SSH1: variants seen among roughly 807,000 people sequenced by gnomAD.
SSH1 encodes the protein protein phosphatase Slingshot homolog 1.
A neutral mutation model predicts 79.7 loss-of-function variants in SSH1; 43 were observed. The observed-to-expected ratio is 0.54, with a 90% CI of 0.42 to 0.70. The LOEUF (loss-of-function observed/expected upper bound fraction) is 0.70, where lower values mean the gene tolerates loss of function less well. SSH1 is among the 30% of genes least tolerant of loss of function. The pLI is 0.00. For missense variants in SSH1, 1,206 were observed against 1,358.8 expected (o/e 0.89, Z 1.77); for synonymous variants, 599 against 538.3 (o/e 1.11, Z -1.56).
At chr12:108,790,731 TTAA>T (rs368838720) in intron 14 of SSH1, among the ~76,000 whole-genome samples, 1 of 152,172 alleles carries the variant, frequency 6.6e-6, no homozygotes, top group African/African-American at 2.4e-5. Flanking sequence ...TAACATGCTG[TTAA>T]TAATAATAAA....
At chr12:108,831,798 G>A (rs1397790103) in intron 2 of SSH1, among the ~76,000 whole-genome samples, 1 of 152,148 alleles carries the variant, frequency 6.6e-6, no homozygotes, top group Non-Finnish European at 1.5e-5. Flanking sequence ...TTTACAAATT[G>A]TGCTTTATAT....
chr12:108,824,391 T>C (rs2038235907), intron 2 of SSH1, among the ~76,000 whole-genome samples: 1 of 150,358 alleles, frequency 6.7e-6, no homozygotes, highest in Admixed American at 6.6e-5. Flanking sequence ...GAGGTTGGAG[T>C]GAGCCAAGAT....
chr12:108,848,028 G>A (rs1274278977), intron 2 of SSH1, among the ~76,000 whole-genome samples: 2 of 152,180 alleles, frequency 1.3e-5, no homozygotes, highest in African/African-American at 4.8e-5. Flanking sequence ...GGGGGAGCAG[G>A]GAGTAGTCCC....
intron 2 of SSH1, among the ~76,000 whole-genome samples, chr12:108,827,958 C>T (rs1396986640): frequency 5.3e-5 from 8 of 152,164 alleles, no homozygotes; most frequent in African/African-American, 1.2e-4. Flanking sequence ...GGGATACGCA[C>T]GGTGCCCAAG....
intron 2 of SSH1, among the ~76,000 whole-genome samples, chr12:108,834,543 G>C (rs2137235112): frequency 6.6e-6 from 1 of 152,340 alleles, no homozygotes; most frequent in Middle Eastern, 3.4e-3. Context: ...GAGGGATGCT[G>C]AACTCTTTGA....
rs923839776 is a variant in SSH1 at position 108,848,471 on chromosome 12, A to G, written c.110+4167T>C. 1.4e-4 allele frequency among the ~76,000 whole-genome samples: 21 copies of G among 152,290 alleles called. No individual in the cohort carries two copies. The South Asian group carries it at 1.7e-3, about 12-fold the overall frequency. On this transcript the variant is annotated intron_variant, in intron 2 of 14. Transcript: ENST00000326495. The stretch of plus-strand genomic sequence containing the variant: ...GAGGTGATGGCAGCTCACCTTCAGG[A>G]TCCATTGGAAACAAAGAGAAATCTC...
chr12:108,800,000 T>C (rs569066025), intron 12 of SSH1, among the ~76,000 whole-genome samples: 105 of 152,318 alleles, frequency 6.9e-4, no homozygotes, highest in Middle Eastern at 6.8e-3. Context: ...CCTGCAAATC[T>C]CAGTGGGGTT....
chr12:108,837,925 GGT>G (rs1306272072), intron 2 of SSH1, among the ~76,000 whole-genome samples: 8 of 152,034 alleles, frequency 5.3e-5, no homozygotes, highest in African/African-American at 1.9e-4. Context: ...TGGGACTACA[GGT>G]GTGTGCTGCC....
intron 5 of SSH1, among the ~76,000 whole-genome samples, chr12:108,813,462 C>T (rs961479701): frequency 3.3e-5 from 5 of 151,590 alleles, no homozygotes; most frequent in Non-Finnish European, 7.4e-5. Context: ...ACCTGTAATC[C>T]CAGCACTTTG....
Position 108,817,037 on chromosome 12 carries a change from C to A in SSH1, c.401+1G>T, listed in dbSNP as rs1357337579. 6.2e-7 allele frequency: 1 copy of A among 1,614,018 alleles called. No homozygotes were observed. The highest frequency in any genetic ancestry group is 8.5e-7 in the Non-Finnish European group (1 of 1,179,888). ...GGGAACACCTAGCCCATCAGACTCA[C>A]CTTTCCTTACTGGAAAAGTCCACTC... On this transcript the variant is annotated splice_donor_variant, in intron 5 of 14. Transcript: ENST00000326495. LOFTEE classifies it high-confidence loss of function.
At chr12:108,847,836 A>C (rs577864399) in intron 2 of SSH1, among the ~76,000 whole-genome samples, 64 of 152,344 alleles carry the variant, frequency 4.2e-4, no homozygotes, top group African/African-American at 1.5e-3. Flanking sequence ...TAGGGATACA[A>C]CAAGGGCACA....
At chr12:108,823,107 A>G in intron 3 of SSH1, 151 bp downstream of exon 3, 2 of 739,334 alleles carry the variant, frequency 2.7e-6, no homozygotes, top group Non-Finnish European at 4.7e-6. Flanking sequence ...CTCAAGAGAG[A>G]GCATCTGAGC....
chr12:108,809,731 C>T lies in SSH1; in HGVS notation c.498G>A (p.Arg166=), dbSNP rs368718573. The T allele has an allele frequency of 5.6e-6, 9 of 1,613,882 alleles. No homozygotes were observed. Among genetic ancestry groups the T allele is most frequent in the Admixed American group, 1.7e-5 (1 of 59,998 alleles). The change falls in exon 7 of 15, where the codon AGG becomes AGA. Residue 166 remains arginine, a synonymous_variant. Coordinates refer to ENST00000326495, the MANE Select transcript of SSH1 (RefSeq NM_018984.4). ...CAGACACAGGCTTAAATATGTGCAT[C>T]CTTCCTGCTGTGCTCACGCTGAACC... ...DGGFSVSTAG[R]MHIFKPVSVQ...
chr12:108,789,313 T>C lies in SSH1; in HGVS notation c.1894-69A>G, dbSNP rs182356036. The C allele has an allele frequency of 3.2e-4, 478 of 1,506,264 alleles. 3 individuals are homozygous for C. In the East Asian group the frequency reaches 0.011, roughly 34 times the overall value. 93.3% of individuals were successfully genotyped at this position (1,506,264 alleles called of 1,614,324 possible). ...GAGCCAAAGACCAAAAACATGAGGGTGGGCAGGGAAAGGGGTGCGAGGCCG... is the reference window on the plus strand; with the variant it reads ...GAGCCAAAGACCAAAAACATGAGGGCGGGCAGGGAAAGGGGTGCGAGGCCG... On this transcript the variant is annotated intron_variant, in intron 14 of 14. Coordinates refer to ENST00000326495, the MANE Select transcript of SSH1 (RefSeq NM_018984.4).
At chr12:108,804,515 C>A (rs1223144106) in intron 10 of SSH1, among the ~76,000 whole-genome samples, 2 of 152,228 alleles carry the variant, frequency 1.3e-5, no homozygotes, top group Non-Finnish European at 2.9e-5. Context: ...CCACCCAGAG[C>A]TACAGGACCC....
Position 108,857,418 on chromosome 12 carries a change from C to T in SSH1, c.69+10G>A. The T allele has an allele frequency of 9.3e-7, 1 of 1,074,392 alleles. No homozygotes were observed. The highest frequency in any genetic ancestry group is 1.1e-6 in the Non-Finnish European group (1 of 876,882). The allele number at this position is 1,074,392 out of a possible 1,614,324, so 66.6% of individuals were successfully genotyped here. ...CGGCCCAGGCCGGGCGCGGCGAGCC[C>T]GGGGCTCACCTCGCTGTTGCTGGCC... On this transcript the variant is annotated intron_variant, in intron 1 of 14. Coordinates refer to ENST00000326495, the MANE Select transcript of SSH1 (RefSeq NM_018984.4). This position sits in a 1 kb window ranked among gnomAD's most constrained non-coding sequence, Gnocchi z 4.7.
chr12:108,810,798 G>A (rs959047065), intron 6 of SSH1, among the ~76,000 whole-genome samples: 4 of 152,222 alleles, frequency 2.6e-5, no homozygotes, highest in African/African-American at 9.7e-5. Flanking sequence ...GGTGGAACTG[G>A]TTCATTCCTC....
chr12:108,828,976 T>C (rs2038403774), intron 2 of SSH1, among the ~76,000 whole-genome samples: 1 of 152,142 alleles, frequency 6.6e-6, no homozygotes, highest in Non-Finnish European at 1.5e-5. Flanking sequence ...AATTCCAAAA[T>C]AGAATCACCA....
At chr12:108,796,995 G>A (rs2036779388) in intron 13 of SSH1, among the ~76,000 whole-genome samples, 1 of 152,046 alleles carries the variant, frequency 6.6e-6, no homozygotes, top group Non-Finnish European at 1.5e-5. Context: ...ACCTGCCTGG[G>A]TCTCCCAAAG....
Sources: gnomAD v4.1 joint callset for allele counts (sites outside exome capture counted in the v4.1 genomes callset) on GRCh38, gnomAD v4.1.1 for gene constraint, Gnocchi (gnomAD v3.1) non-coding constraint, MANE v1.5 for transcripts, NCBI Gene and HGNC (gene_info 2026-07-23, HGNC 2026-07-21) for gene names.